A2ML1: variants seen among roughly 807,000 people sequenced by gnomAD.
A2ML1 encodes alpha-2-macroglobulin-like protein 1.
A2ML1 carries 161 observed loss-of-function variants against 181.9 expected under a neutral mutation model. The observed-to-expected ratio is 0.89, with a 90% CI of 0.78 to 1.01. A2ML1 has a LOEUF of 1.01. Among genes scored for constraint, A2ML1 ranks in the 50% least tolerant of loss-of-function variants. The pLI is 0.00. For missense variants in A2ML1, 1,670 were observed against 1,768.1 expected, an observed-to-expected ratio of 0.94 and a Z score of 1.00; for synonymous variants, 663 against 666.8, an observed-to-expected ratio of 0.99 and a Z score of 0.09.
In A2ML1 at chr12:8,841,538, T is replaced by C. The variant is rs756286189; in HGVS notation, c.1248+2T>C. On this transcript the variant is annotated splice_donor_variant, in intron 11 of 35. Coordinates refer to ENST00000299698, the MANE Select transcript of A2ML1 (RefSeq NM_144670.6). LOFTEE classifies it high-confidence loss of function. ...AATGGGACAGACGTTTCTCTGGAGG[T>C]AAGCATGGACGGAGGACCAGCTTCC... 1.2e-6 allele frequency: 2 copies of C among 1,610,884 alleles called. No individual in the cohort carries two copies. Among genetic ancestry groups the C allele is most frequent in the Non-Finnish European group, 1.7e-6 (2 of 1,178,754 alleles).
Position 8,851,939 on chromosome 12 carries a change from C to T in A2ML1, c.2390C>T (p.Pro797Leu), listed in dbSNP as rs1943906318. The change falls in exon 19 of 36, where the codon CCT becomes CTT. Residue 797 changes from proline to leucine, a missense_variant. By Grantham distance (98) the Pro-to-Leu change is moderately conservative. Coordinates refer to ENST00000299698, the MANE Select transcript of A2ML1 (RefSeq NM_144670.6). ...CCGTTCTTTGTTGACCTGACTCTCC[C>T]TTACTCAGTAGTCCGTGGGGAATCC... ...FKPFFVDLTL[P>L]YSVVRGESFR... The T allele has an allele frequency of 6.2e-7, 1 of 1,614,200 alleles. No individual in the cohort carries two copies. Among genetic ancestry groups the T allele is most frequent in the Non-Finnish European group, 8.5e-7 (1 of 1,180,038 alleles).
chr12:8,823,573 C>T (rs1942819274), intron 2 of A2ML1, 147 bp from the exon 3 acceptor site: 1 of 1,101,776 alleles, frequency 9.1e-7, no homozygotes, highest in African/African-American at 1.6e-5. Flanking sequence ...GACCTTAATT[C>T]TTCCTCGTGG....
chr12:8,832,591 A>G (rs1943152238), intron 4 of A2ML1, among the ~76,000 whole-genome samples: 1 of 152,102 alleles, frequency 6.6e-6, no homozygotes, highest in Non-Finnish European at 1.5e-5. Context: ...TCACTTTCAT[A>G]GTTTCCTCAG....
intron 4 of A2ML1, among the ~76,000 whole-genome samples, chr12:8,832,417 G>A (rs1330776009): frequency 1.2e-4 from 18 of 152,280 alleles, no homozygotes; most frequent in Non-Finnish European, 2.2e-4. Flanking sequence ...ACTGGTCCCC[G>A]GGCAAGAAGG....
chr12:8,881,354 G>A (rs1944868122), downstream of A2ML1, among the ~76,000 whole-genome samples: 1 of 152,188 alleles, frequency 6.6e-6, no homozygotes. Context: ...GTGAGATCTG[G>A]GCATTTGGGG....
intron 7 of A2ML1, among the ~76,000 whole-genome samples, chr12:8,881,997 C>T (rs1221873485): frequency 1.3e-5 from 2 of 149,470 alleles, no homozygotes; most frequent in African/African-American, 2.5e-5. Flanking sequence ...GGCGACAGAG[C>T]GAGACTCTGT....
In A2ML1 at chr12:8,843,220, C is replaced by G; in HGVS notation, c.1335C>G (p.Phe445Leu). 6.2e-7 allele frequency: 1 copy of G among 1,614,206 alleles called. No individual in the cohort carries two copies. Among genetic ancestry groups the G allele is most frequent in the Non-Finnish European group, 8.5e-7 (1 of 1,180,038 alleles). ...YQNAYLHLRP[F>L]YSTTRSFLGI... Reference sequence around the variant, plus strand: ...ATGCCTACCTGCACCTGCGACCCTTCTACAGCACAACCCGCAGCTTCCTTG... The same window carrying G: ...ATGCCTACCTGCACCTGCGACCCTTGTACAGCACAACCCGCAGCTTCCTTG... Residue 445 changes from phenylalanine (F) to leucine (L), a missense_variant, in exon 12 of 36, where the codon TTC (phenylalanine) becomes TTG (leucine). Phe to Leu is a conservative substitution (Grantham distance 22). Transcript: ENST00000299698.
intron 3 of A2ML1, 147 bp downstream of exon 3, chr12:8,824,029 T>A: frequency 1.2e-6 from 1 of 866,676 alleles, no homozygotes; most frequent in Non-Finnish European, 1.7e-6. Flanking sequence ...GTAGTGCAAG[T>A]GTTGAATACA....
intron 3 of A2ML1, among the ~76,000 whole-genome samples, chr12:8,828,440 G>A (rs1377331163): frequency 6.6e-6 from 1 of 152,098 alleles, no homozygotes; most frequent in Non-Finnish European, 1.5e-5. Flanking sequence ...GAGGCCCAAA[G>A]TCTCCTTTCA....
chr12:8,862,750 C>G (rs1944309328), intron 28 of A2ML1, among the ~76,000 whole-genome samples: 1 of 152,078 alleles, frequency 6.6e-6, no homozygotes, highest in Non-Finnish European at 1.5e-5. Flanking sequence ...GTTAAATACA[C>G]CTGTTCCACC....
At chr12:8,877,909 A>G (rs932803204), downstream of A2ML1, among the ~76,000 whole-genome samples, 1 of 152,330 alleles carries the variant, frequency 6.6e-6, no homozygotes, top group Admixed American at 6.5e-5. Flanking sequence ...CACTATTCAC[A>G]ATAGCAAAGA....
At chr12:8,835,433 T>C (rs975030350) in intron 5 of A2ML1, 74 bp from the exon 6 acceptor site, 1 of 1,589,462 alleles carries the variant, frequency 6.3e-7, no homozygotes, top group African/African-American at 1.3e-5. Context: ...GCCTTTTGCT[T>C]CTTTACCTGC....
chr12:8,846,039 C>T (rs1193870571), intron 13 of A2ML1, 38 bp from the exon 14 acceptor site: 1 of 1,610,786 alleles, frequency 6.2e-7, no homozygotes, highest in Non-Finnish European at 8.5e-7. Context: ...GGTGAATGTG[C>T]ATTCTGATTT....
At position 8,825,236 on chromosome 12, in the gene A2ML1, TCC is replaced by T. The variant is rs148052725; in HGVS notation, c.409+1355_409+1356del. ...AACAGTGTATGAGGGTTCTCTTTTC[TCC>T]ACATCCTCACCAGCATTTATTATTG... is the stretch of plus-strand genomic sequence containing the variant. On this transcript the variant is annotated intron_variant, in intron 3 of 35. Coordinates refer to ENST00000299698, the MANE Select transcript of A2ML1 (RefSeq NM_144670.6). Among the ~76,000 whole-genome samples the T allele has an allele frequency of 1.1e-3, 166 of 152,324 alleles. 2 individuals carry two copies. The highest frequency in any genetic ancestry group is 5.0e-3 in the Admixed American group (76 of 15,288).
rs1324138650 is a variant in A2ML1, at chr12:8,851,892, T to C, written c.2343T>C (p.Thr781=). The change falls in exon 19 of 36, where the codon ACT becomes ACC. Residue 781 remains threonine (T), a synonymous_variant. Transcript: ENST00000299698. ...CAAGAGGCTTCGGGCTTTCACCCACTGTTGGACTAACTGCTTTCAAGCCGT... is the reference window on the plus strand; with the variant it reads ...CAAGAGGCTTCGGGCTTTCACCCACCGTTGGACTAACTGCTTTCAAGCCGT... ...SQSRGFGLSP[T]VGLTAFKPFF... is the part of the protein sequence containing the mutation. The C allele has an allele frequency of 6.2e-7, 1 of 1,614,228 alleles. No individual in the cohort carries two copies. The highest frequency in any genetic ancestry group is 8.5e-7 in the Non-Finnish European group (1 of 1,180,038).
At chr12:8,836,369 G>A in intron 7 of A2ML1, 30 bp downstream of exon 7, 1 of 1,569,496 alleles carries the variant, frequency 6.4e-7, no homozygotes. Context: ...ATCTGGTGGA[G>A]ATTAAAGATG....
intron 11 of A2ML1, among the ~76,000 whole-genome samples, chr12:8,842,642 T>A (rs187839068): frequency 6.6e-6 from 1 of 152,256 alleles, no homozygotes; most frequent in Non-Finnish European, 1.5e-5. Flanking sequence ...GTGTGAGGAA[T>A]TGGAGCCATT....
At chr12:8,836,440 G>C (rs1943278790) in intron 7 of A2ML1, 101 bp downstream of exon 7, 5 of 930,548 alleles carry the variant, frequency 5.4e-6, no homozygotes, top group Non-Finnish European at 8.3e-6. Context: ...GCCAAAACTT[G>C]GGGCATTTTA....
At chr12:8,886,137 T>G (rs74060206) in intron 7 of A2ML1, among the ~76,000 whole-genome samples, 1,586 of 152,306 alleles carry the variant, frequency 0.01, 31 homozygotes, top group African/African-American at 0.036. Flanking sequence ...TCTTGGCATT[T>G]TGAATTTCCA....
Sources: allele counts gnomAD v4.1 joint callset (sites outside exome capture counted in the v4.1 genomes callset), GRCh38; gene constraint gnomAD v4.1.1; transcripts MANE v1.5; gene names NCBI Gene and HGNC (gene_info 2026-07-23, HGNC 2026-07-21).